Variants in CCDC171 observed in about 807,000 individuals in gnomAD.
CCDC171 encodes coiled-coil domain containing 171, also known as coiled-coil domain-containing protein 171.
In CCDC171, 177 loss-of-function variants were observed where a neutral mutation model predicts 168.2. The observed-to-expected ratio is 1.05, with a 90% CI of 0.93 to 1.19. CCDC171 has a LOEUF of 1.19. Among genes scored for constraint, CCDC171 ranks in the 50% most tolerant of loss-of-function variants. The pLI is 0.00. For synonymous variants in CCDC171, 687 were observed against 540.8 expected, an observed-to-expected ratio of 1.27 and a Z score of -3.75; for missense variants, 1,991 against 1,539.0, an observed-to-expected ratio of 1.29 and a Z score of -4.91.
At chr9:15,935,668 C>T (rs919340849) in intron 25 of CCDC171, among the ~76,000 whole-genome samples, 11 of 152,078 alleles carry the variant, frequency 7.2e-5, no homozygotes, top group Middle Eastern at 6.8e-3. Flanking sequence ...GTCAATAAAT[C>T]CCCAAAGTAA....
rs2057508358 is a variant in CCDC171 at position 15,779,044 on chromosome 9, C to T, written c.2975C>T (p.Ser992Leu). 2.5e-6 allele frequency: 4 copies of T among 1,604,682 alleles called. No individual in the cohort carries two copies. In the East Asian group the frequency reaches 6.7e-5, roughly 27 times the overall value. Residue 992 changes from serine (S) to leucine (L), a missense_variant, in exon 20 of 26, where the codon TCA becomes TTA. By Grantham distance (145) the Ser-to-Leu change is moderately radical. Transcript: ENST00000380701. ...RLHAAEVERRSLRLEVTEFKR... is the reference protein window; with the variant it reads ...RLHAAEVERRLLRLEVTEFKR... ...CATGCTGCAGAAGTGGAGCGCCGCT[C>T]ACTACGCTTAGAGGTCACAGAATTC...
intron 21 of CCDC171, among the ~76,000 whole-genome samples, chr9:15,794,407 G>T (rs1196366595): frequency 1.3e-5 from 2 of 152,136 alleles, no homozygotes; most frequent in Non-Finnish European, 2.9e-5. Flanking sequence ...AGAGGTTGTA[G>T]TGAGCCTAGA....
intron 24 of CCDC171, among the ~76,000 whole-genome samples, chr9:15,903,212 T>A (rs1461583868): frequency 6.6e-6 from 1 of 152,194 alleles, no homozygotes. Flanking sequence ...GTTTGAGATC[T>A]GAGAACGGAC....
At chr9:15,667,526 A>T (rs201284659) in intron 9 of CCDC171, among the ~76,000 whole-genome samples, 1 of 152,042 alleles carries the variant, frequency 6.6e-6, no homozygotes, top group Non-Finnish European at 1.5e-5. Context: ...GGCACCTGTA[A>T]TCCCACCTAC....
the CCDC171 span, among the ~76,000 whole-genome samples, chr9:16,067,453 G>A: frequency 6.6e-6 from 1 of 152,114 alleles, no homozygotes; most frequent in African/African-American, 2.4e-5. Context: ...CTGTGCAGAA[G>A]CTCTTTAGTT....
chr9:15,558,089 A>C (rs565134512), intron 1 of CCDC171, among the ~76,000 whole-genome samples: 40 of 152,212 alleles, frequency 2.6e-4, no homozygotes, highest in South Asian at 8.3e-4. Context: ...GGATGAAGCC[A>C]ACTTGATCGT....
chr9:15,636,960 G>T (rs1376327209), intron 7 of CCDC171, among the ~76,000 whole-genome samples: 2 of 150,960 alleles, frequency 1.3e-5, no homozygotes, highest in Non-Finnish European at 3.0e-5. Context: ...TTTTGACTCA[G>T]TTAAGAAAAT....
the CCDC171 span, among the ~76,000 whole-genome samples, chr9:16,072,249 T>C: frequency 1.3e-5 from 2 of 152,202 alleles, no homozygotes; most frequent in African/African-American, 4.8e-5. Flanking sequence ...GGTAGAAAGC[T>C]TTGAGAAGCA....
intron 6 of CCDC171, among the ~76,000 whole-genome samples, chr9:16,027,218 C>T (rs540443323): frequency 6.6e-6 from 1 of 152,266 alleles, no homozygotes; most frequent in Admixed American, 6.5e-5. Flanking sequence ...GATAATGACC[C>T]AGAGGAAATT....
At chr9:15,941,846 A>G (rs540009221) in intron 25 of CCDC171, among the ~76,000 whole-genome samples, 53 of 152,016 alleles carry the variant, frequency 3.5e-4, no homozygotes, top group Non-Finnish European at 6.2e-4. Flanking sequence ...AGGGTTACCT[A>G]TCTATTGTTT....
chr9:15,825,750 G>T (rs1450365524), intron 21 of CCDC171, among the ~76,000 whole-genome samples: 4 of 152,062 alleles, frequency 2.6e-5, no homozygotes, highest in Admixed American at 2.6e-4. Context: ...AATAATTCTA[G>T]AAGTGTCTTA....
At chr9:16,102,511 AG>A in the CCDC171 span, among the ~76,000 whole-genome samples, 1 of 13,284 alleles carries the variant, frequency 7.5e-5, no homozygotes, top group Non-Finnish European at 1.7e-4. Flanking sequence ...GGGTGGGGGC[AG>A]GGGGGAGGGT....
intron 25 of CCDC171, among the ~76,000 whole-genome samples, chr9:15,957,490 T>C (rs1829915593): frequency 6.6e-6 from 1 of 152,208 alleles, no homozygotes; most frequent in African/African-American, 2.4e-5. Context: ...ACTCTTGTTC[T>C]CTAAGCTGTT....
chr9:15,593,919 A>G (rs1054040997), intron 5 of CCDC171, 122 bp from the exon 6 acceptor site: 2 of 631,138 alleles, frequency 3.2e-6, no homozygotes, highest in Non-Finnish European at 5.6e-6. Context: ...TGATTTTAAC[A>G]TGAATTATGA....
Position 16,051,239 on chromosome 9 carries a change from G to C in CCDC171, n.89+8353G>C, listed in dbSNP as rs763795884. On this transcript the variant is annotated intron_variant and non_coding_transcript_variant, in intron 1 of 1. Transcript: ENST00000478913. The stretch of plus-strand genomic sequence containing the variant: ...GGGATGATAGCCCAAGCTCTGCTGG[G>C]TTCTGCTGTCATCCGTGTCTCTAAT... 8.5e-5 allele frequency among the ~76,000 whole-genome samples: 13 copies of C among 152,250 alleles called. No homozygotes were observed. The East Asian group carries it at 1.4e-3, about 16-fold the overall frequency.
At chr9:15,659,609 G>C (rs753919634) in intron 8 of CCDC171, among the ~76,000 whole-genome samples, 4 of 152,132 alleles carry the variant, frequency 2.6e-5, no homozygotes, top group Non-Finnish European at 5.9e-5. Flanking sequence ...GTGAACAAAT[G>C]TAATAGACTG....
chr9:15,987,908 G>A (rs1056786038), intron 3 of CCDC171, among the ~76,000 whole-genome samples: 37 of 152,040 alleles, frequency 2.4e-4, no homozygotes, highest in African/African-American at 8.5e-4. Context: ...ATAACTTTGT[G>A]CATGAAACAG....
At chr9:15,747,879 A>G (rs549222523) in intron 18 of CCDC171, among the ~76,000 whole-genome samples, 1 of 152,306 alleles carries the variant, frequency 6.6e-6, no homozygotes, top group South Asian at 2.1e-4. Flanking sequence ...CAAGGGAACA[A>G]AATTAGACTG....
intron 7 of CCDC171, among the ~76,000 whole-genome samples, chr9:15,624,785 G>A (rs1238914146): frequency 6.6e-6 from 1 of 152,188 alleles, no homozygotes; most frequent in African/African-American, 2.4e-5. Flanking sequence ...GTGTGCATGT[G>A]TCTTTATAGC....
Sources: allele counts gnomAD v4.1 joint callset (sites outside exome capture counted in the v4.1 genomes callset), GRCh38; gene constraint gnomAD v4.1.1; transcripts MANE v1.5; gene names NCBI Gene and HGNC (gene_info 2026-07-23, HGNC 2026-07-21).